The following ZNF653 variants were observed in gnomAD, a reference collection of about 807,000 sequenced individuals.
The protein encoded by ZNF653 is 67 kDa zinc finger protein.
Under a neutral mutation model 59.9 loss-of-function variants are expected in ZNF653, and 37 were observed. That is an observed-to-expected ratio of 0.62 (90% CI 0.48 to 0.81). The LOEUF is 0.81. Ranked by LOEUF, ZNF653 falls within the 40% of genes least tolerant of loss-of-function variation. The pLI is 0.00. For missense variants in ZNF653, 808 were observed against 881.1 expected, an observed-to-expected ratio of 0.92 and a Z score of 1.05; for synonymous variants, 435 against 371.8, an observed-to-expected ratio of 1.17 and a Z score of -1.96.
At chr19:11,505,418 GGGCGGGGTAAAGCCC>G in intron 1 of ZNF653, 55 bp downstream of exon 1, 1 of 1,345,986 alleles carries the variant, frequency 7.4e-7, no homozygotes, top group Non-Finnish European at 9.5e-7. Flanking sequence ...GAAGCGGAGG[GGGCGGGGTAAAGCCC>G]GGCGGGGTCT....
At chr19:11,489,390 G>T (rs1971507365) in intron 3 of ZNF653, among the ~76,000 whole-genome samples, 1 of 152,104 alleles carries the variant, frequency 6.6e-6, no homozygotes, top group Non-Finnish European at 1.5e-5. Flanking sequence ...AGTAGAGACG[G>T]GATTCCCCAT....
chr19:11,498,249 A>G, intron 2 of ZNF653, 47 bp downstream of exon 2: 1 of 1,612,348 alleles, frequency 6.2e-7, no homozygotes. Context: ...CCATATTCCC[A>G]CCGCTCCCAA....
intron 2 of ZNF653, 32 bp from the exon 3 acceptor site, chr19:11,496,197 G>A (rs1273275467): frequency 2.5e-6 from 4 of 1,604,666 alleles, no homozygotes; most frequent in East Asian, 4.5e-5. Flanking sequence ...GTGGGTATAA[G>A]GGACAGGGCT....
intron 1 of ZNF653, chr19:11,505,225 T>C: frequency 4.9e-6 from 2 of 410,590 alleles, no homozygotes; most frequent in South Asian, 4.7e-5. Context: ...GCCGCCAGAG[T>C]TCTAGCGGGC....
chr19:11,488,583 G>A (rs1971496450), intron 3 of ZNF653, among the ~76,000 whole-genome samples: 1 of 148,426 alleles, frequency 6.7e-6, no homozygotes, highest in Admixed American at 6.7e-5. Context: ...ACCGTGCCTG[G>A]CTGAATTTTT....
Position 11,487,053 on chromosome 19 carries a change from T to A in ZNF653, c.1277A>T (p.Asp426Val). 1 of 1,614,124 alleles carries A rather than the reference T, an allele frequency of 6.2e-7. No individual in the cohort carries two copies. The highest frequency in any genetic ancestry group is 8.5e-7 in the Non-Finnish European group (1 of 1,180,000). ...PESAEPEAEA[D>V]GEELDGSDMS... Reference sequence around the variant, plus strand: ...GTCGCTGCCGTCCAGCTCCTCCCCGTCCGCCTCTGCCTCAGGCTCTGCGCT... The same window carrying A: ...GTCGCTGCCGTCCAGCTCCTCCCCGACCGCCTCTGCCTCAGGCTCTGCGCT... The change falls in exon 5 of 9, where the codon GAC (aspartate) becomes GTC (valine). Residue 426 changes from aspartate (D) to valine (V), a missense_variant. Transcript: ENST00000293771. The surrounding 1 kb of genome is among the most constrained non-coding windows in gnomAD (Gnocchi z 5.1).
In ZNF653 at chr19:11,487,604, C is replaced by A. The variant is rs768589415; in HGVS notation, c.859G>T (p.Ala287Ser). The change falls in exon 4 of 9, where the codon GCG (alanine) becomes TCG (serine). Residue 287 changes from alanine to serine, a missense_variant. Ala to Ser is a moderately conservative substitution (Grantham distance 99). Transcript: ENST00000293771. The surrounding 1 kb of genome is among the most constrained non-coding windows in gnomAD (Gnocchi z 5.1). ...VCVPVPVQVG[A>S]GPSALFENVP... Reference sequence around the variant, plus strand: ...TTCTCAAAGAGGGCGCTGGGGCCCGCACCCACTTGCACAGGCACCGGCACG... The same window carrying A: ...TTCTCAAAGAGGGCGCTGGGGCCCGAACCCACTTGCACAGGCACCGGCACG... 19 of 1,613,884 alleles carry A rather than the reference C, an allele frequency of 1.2e-5. No homozygotes were observed. In the Admixed American group the frequency reaches 3.2e-4, roughly 27 times the overall value.
Position 11,486,793 on chromosome 19 carries a change from G to A in ZNF653, c.1431C>T (p.Val477=). 1.2e-6 allele frequency: 2 copies of A among 1,610,228 alleles called. No homozygotes were observed. ...FHCPYEGCSQ[V]YVALSSFQNH... ...CCTGGAAGCTGCTGAGGGCCACGTAGACTTGGCTGCAGCCCTCGTATGGGC... is the reference window on the plus strand; with the variant it reads ...CCTGGAAGCTGCTGAGGGCCACGTAAACTTGGCTGCAGCCCTCGTATGGGC... The change falls in exon 6 of 9, where the codon GTC becomes GTT. Residue 477 remains valine, a synonymous_variant. Coordinates refer to ENST00000293771, the MANE Select transcript of ZNF653 (RefSeq NM_138783.4).
rs150377806 is a variant in ZNF653, at chr19:11,487,566, C to A, written c.897G>T (p.Glu299Asp). ...AGCTGGCCACCACCTCACCCAGGGC[C>A]TCCTGGGGCACGTTCTCAAAGAGGG... Reference protein sequence around the residue: ...PSALFENVPQEALGEVVASCP... With the variant: ...PSALFENVPQDALGEVVASCP... Residue 299 changes from glutamate (E) to aspartate (D), a missense_variant, in exon 4 of 9, where the codon GAG becomes GAT. Physicochemically the swap from Glu to Asp is conservative, Grantham distance 45. Transcript: ENST00000293771. The surrounding 1 kb of genome is among the most constrained non-coding windows in gnomAD (Gnocchi z 5.1). 208 of 1,613,836 alleles carry A rather than the reference C, an allele frequency of 1.3e-4. 2 individuals are homozygous for A. The African/African-American group carries it at 2.6e-3, about 20-fold the overall frequency.
intron 3 of ZNF653, among the ~76,000 whole-genome samples, chr19:11,489,432 C>T (rs1181587868): frequency 1.3e-5 from 2 of 152,162 alleles, no homozygotes; most frequent in African/African-American, 4.8e-5. Context: ...CTTCTGACCT[C>T]AGGTGATCTG....
intron 1 of ZNF653, among the ~76,000 whole-genome samples, chr19:11,499,724 A>T (rs527717651): frequency 6.6e-6 from 1 of 151,976 alleles, no homozygotes; most frequent in East Asian, 1.9e-4. Flanking sequence ...CCAGCCTGGG[A>T]AACACAGTGA....
At chr19:11,488,600 TTTTC>T (rs1042897638) in intron 3 of ZNF653, among the ~76,000 whole-genome samples, 4 of 129,682 alleles carry the variant, frequency 3.1e-5, no homozygotes, top group Middle Eastern at 7.0e-3. Context: ...TTTTCTTTTC[TTTTC>T]TTTTTTTTTT....
chr19:11,491,873 G>T (rs1358717886), intron 3 of ZNF653, among the ~76,000 whole-genome samples: 1 of 151,026 alleles, frequency 6.6e-6, no homozygotes, highest in Admixed American at 6.6e-5. Flanking sequence ...CACCGCACCC[G>T]GCCGGCTTGA....
chr19:11,505,639 C>T lies in ZNF653; in HGVS notation c.148G>A (p.Glu50Lys). The change falls in exon 1 of 9, where the codon GAG becomes AAG. Residue 50 changes from glutamate to lysine, a missense_variant. Physicochemically the swap from Glu to Lys is moderately conservative, Grantham distance 56 (BLOSUM62 1). Transcript: ENST00000293771. ...CGCACGTCGTACTTCTTCCGGGACTCGAGCCGTCGCCGGGCCCGGTCCGAC... is the reference window on the plus strand; with the variant it reads ...CGCACGTCGTACTTCTTCCGGGACTTGAGCCGTCGCCGGGCCCGGTCCGAC... ...TESDRARRRL[E>K]SRKKYDVRRV... The T allele has an allele frequency of 6.7e-7, 1 of 1,499,072 alleles. No homozygotes were observed. The highest frequency in any genetic ancestry group is 8.8e-7 in the Non-Finnish European group (1 of 1,131,336). 92.9% of individuals were successfully genotyped at this position (1,499,072 alleles called of 1,614,324 possible).
intron 3 of ZNF653, among the ~76,000 whole-genome samples, chr19:11,490,864 T>C (rs772024758): frequency 6.6e-6 from 1 of 152,150 alleles, no homozygotes; most frequent in Non-Finnish European, 1.5e-5. Flanking sequence ...TCTTCCCTTC[T>C]ACAAAGCCTG....
chr19:11,494,382 A>C (rs62131159), intron 3 of ZNF653, among the ~76,000 whole-genome samples: 3 of 87,804 alleles, frequency 3.4e-5, no homozygotes, highest in Admixed American at 1.1e-4. Context: ...CATAACATAA[A>C]ACATAACATA....
intron 1 of ZNF653, among the ~76,000 whole-genome samples, chr19:11,501,281 C>T (rs562819249): frequency 2.0e-5 from 3 of 151,752 alleles, no homozygotes; most frequent in East Asian, 1.9e-4. Context: ...AGGGCTCAAC[C>T]GATCCTCTTG....
chr19:11,496,363 T>G (rs771837899), intron 2 of ZNF653, among the ~76,000 whole-genome samples, 198 bp from the exon 3 acceptor site: 1 of 152,130 alleles, frequency 6.6e-6, no homozygotes, highest in Non-Finnish European at 1.5e-5. Context: ...CGGGGACTGT[T>G]CTATTGGCAA....
chr19:11,488,283 G>A (rs1971493117), intron 3 of ZNF653, among the ~76,000 whole-genome samples: 1 of 151,818 alleles, frequency 6.6e-6, no homozygotes, highest in South Asian at 2.1e-4. Context: ...CCGAGTAGCT[G>A]GGACTACAGG....
Sources: gnomAD v4.1 joint callset for allele counts (sites outside exome capture counted in the v4.1 genomes callset) on GRCh38, gnomAD v4.1.1 for gene constraint, Gnocchi (gnomAD v3.1) non-coding constraint, MANE v1.5 for transcripts, NCBI Gene and HGNC (gene_info 2026-07-23, HGNC 2026-07-21) for gene names.